TJP1: variants seen among roughly 807,000 people sequenced by gnomAD.
TJP1 encodes tight junction protein 1, also known as tight junction protein ZO-1.
In TJP1, 43 loss-of-function variants were observed where a neutral mutation model predicts 194.2. That is an observed-to-expected ratio of 0.22 (90% CI 0.17 to 0.29). The LOEUF (loss-of-function observed/expected upper bound fraction) is 0.29. Among genes scored for constraint, TJP1 ranks in the 10% least tolerant of loss-of-function variants. TJP1 has a pLI of 1.00. For missense variants in TJP1, 1,971 were observed against 2,185.7 expected, an observed-to-expected ratio of 0.90 and a Z score of 1.96; for synonymous variants, 801 against 779.0, an observed-to-expected ratio of 1.03 and a Z score of -0.47.
intron 2 of TJP1, among the ~76,000 whole-genome samples, chr15:29,945,848 T>C (rs142112697): frequency 1.7e-4 from 26 of 152,174 alleles, no homozygotes; most frequent in Admixed American, 7.2e-4. Context: ...GTATATGTGC[T>C]TGCATGTTCA....
At chr15:29,869,616 C>G (rs2052424384) in intron 2 of TJP1, among the ~76,000 whole-genome samples, 1 of 151,970 alleles carries the variant, frequency 6.6e-6, no homozygotes, top group African/African-American at 2.4e-5. Context: ...ACCCCACACC[C>G]CACGATGTGA....
intron 2 of TJP1, among the ~76,000 whole-genome samples, chr15:29,910,180 T>C (rs1216224381): frequency 6.6e-6 from 1 of 152,168 alleles, no homozygotes; most frequent in African/African-American, 2.4e-5. Flanking sequence ...TGCAAAACAA[T>C]AGCCGGCAGT....
At chr15:29,750,542 A>G (rs1188761231) in intron 8 of TJP1, among the ~76,000 whole-genome samples, 1 of 152,124 alleles carries the variant, frequency 6.6e-6, no homozygotes, top group Non-Finnish European at 1.5e-5. Flanking sequence ...TTCTCTGTTC[A>G]TGGAAACTGT....
intron 24 of TJP1, among the ~76,000 whole-genome samples, chr15:29,709,713 C>T (rs1041322661): frequency 1.3e-5 from 2 of 152,186 alleles, no homozygotes; most frequent in Admixed American, 6.5e-5. Context: ...AGGACATCTA[C>T]GAAAATCCTA....
intron 8 of TJP1, among the ~76,000 whole-genome samples, chr15:29,754,637 T>C (rs757413348): frequency 2.6e-5 from 4 of 152,228 alleles, no homozygotes; most frequent in Non-Finnish European, 4.4e-5. Flanking sequence ...ATTGGCAAAG[T>C]TGCACAGGTT....
intron 2 of TJP1, among the ~76,000 whole-genome samples, chr15:29,798,717 G>A (rs2048579736): frequency 6.6e-6 from 1 of 152,154 alleles, no homozygotes; most frequent in Non-Finnish European, 1.5e-5. Flanking sequence ...ACAAAAACCT[G>A]TACACTAGAG....
At chr15:29,763,496 A>T (rs1205681746) in intron 5 of TJP1, among the ~76,000 whole-genome samples, 1 of 152,180 alleles carries the variant, frequency 6.6e-6, no homozygotes, top group Non-Finnish European at 1.5e-5. Flanking sequence ...TAGGCTGGGC[A>T]TGGTGGCTCA....
At chr15:29,738,404 G>C (rs1183136689) in intron 10 of TJP1, among the ~76,000 whole-genome samples, 1 of 152,150 alleles carries the variant, frequency 6.6e-6, no homozygotes, top group Non-Finnish European at 1.5e-5. Flanking sequence ...AATGTGTTGA[G>C]GAAGGAGAGA....
At chr15:29,816,436 A>G (rs2049929682) in intron 1 of TJP1, among the ~76,000 whole-genome samples, 1 of 152,194 alleles carries the variant, frequency 6.6e-6, no homozygotes, top group Non-Finnish European at 1.5e-5. Flanking sequence ...AACAAATGTA[A>G]GAGTTGTAAA....
At chr15:29,871,549 G>A (rs1329082749) in intron 2 of TJP1, among the ~76,000 whole-genome samples, 1 of 152,246 alleles carries the variant, frequency 6.6e-6, no homozygotes, top group Non-Finnish European at 1.5e-5. Flanking sequence ...TGCCGTGGGA[G>A]AGGCGCAACC....
chr15:29,806,074 C>T (rs778335970), intron 1 of TJP1, among the ~76,000 whole-genome samples: 4 of 152,066 alleles, frequency 2.6e-5, no homozygotes, highest in Non-Finnish European at 4.4e-5. Flanking sequence ...AAAGAATTTT[C>T]GACGATCAAA....
chr15:29,824,116 A>AAAAAAAC (rs2050597925), upstream of TJP1: 2 of 104,506 alleles, frequency 1.9e-5, 1 homozygote, highest in Non-Finnish European at 3.7e-5. Flanking sequence ...AAAAAAAAAA[A>AAAAAAAC]ATGGTGGCCA....
At chr15:29,865,608 T>C (rs2052274959) in intron 2 of TJP1, among the ~76,000 whole-genome samples, 1 of 152,190 alleles carries the variant, frequency 6.6e-6, no homozygotes, top group African/African-American at 2.4e-5. Flanking sequence ...TGCATAAATA[T>C]GTAGAACATC....
At chr15:29,932,854 T>C (rs944863581) in intron 2 of TJP1, among the ~76,000 whole-genome samples, 29 of 152,202 alleles carry the variant, frequency 1.9e-4, no homozygotes, top group Admixed American at 1.8e-3. Flanking sequence ...TTCTTTTCCT[T>C]ATTGTAATTT....
At chr15:29,718,209 C>T in intron 21 of TJP1, 57 bp downstream of exon 21, 2 of 1,594,102 alleles carry the variant, frequency 1.3e-6, no homozygotes, top group South Asian at 1.1e-5. Flanking sequence ...GAGGGGAGAG[C>T]CAAGAAGCCT....
chr15:29,951,354 G>C (rs964575163), intron 2 of TJP1, among the ~76,000 whole-genome samples: 10 of 151,966 alleles, frequency 6.6e-5, no homozygotes, highest in Non-Finnish European at 1.3e-4. Flanking sequence ...TTTTAGTAGA[G>C]ACAGGGTTTT....
intron 18 of TJP1, among the ~76,000 whole-genome samples, chr15:29,722,992 A>G (rs2043024842): frequency 6.6e-6 from 1 of 152,180 alleles, no homozygotes; most frequent in African/African-American, 2.4e-5. Flanking sequence ...TATTTACCCA[A>G]TGTTTATGTC....
intron 7 of TJP1, 119 bp from the exon 8 acceptor site, chr15:29,761,405 A>G: frequency 7.4e-7 from 1 of 1,356,914 alleles, no homozygotes; most frequent in Non-Finnish European, 1.0e-6. Flanking sequence ...TGGAAGATTT[A>G]TGCATTAATT....
chr15:29,939,022 T>C (rs1210922313), intron 2 of TJP1, among the ~76,000 whole-genome samples: 1 of 152,224 alleles, frequency 6.6e-6, no homozygotes, highest in Non-Finnish European at 1.5e-5. Context: ...GGATACCATC[T>C]ACTAAGCAGA....
Sources: gnomAD v4.1 joint callset for allele counts (sites outside exome capture counted in the v4.1 genomes callset) on GRCh38, gnomAD v4.1.1 for gene constraint, MANE v1.5 for transcripts, NCBI Gene and HGNC (gene_info 2026-07-23, HGNC 2026-07-21) for gene names.